Variants in MTMR3 observed in about 807,000 individuals in gnomAD.
MTMR3 encodes the protein myotubularin related protein 3.
Under a neutral mutation model 132.4 loss-of-function variants are expected in MTMR3, and 32 were observed. The observed-to-expected ratio is 0.24, with a 90% CI of 0.18 to 0.32. The LOEUF (loss-of-function observed/expected upper bound fraction) is 0.32. Among genes scored for constraint, MTMR3 ranks in the 10% least tolerant of loss-of-function variants. The pLI is 1.00. For synonymous variants in MTMR3, 556 were observed against 550.3 expected (o/e 1.01, Z -0.14); for missense variants, 1,216 against 1,489.6 (o/e 0.82, Z 3.02).
intron 2 of MTMR3, among the ~76,000 whole-genome samples, chr22:29,963,797 C>T (rs756439994): frequency 2.6e-5 from 4 of 151,410 alleles, no homozygotes; most frequent in African/African-American, 4.9e-5. Flanking sequence ...TAGATCTTCA[C>T]GCCACTGCAC....
chr22:30,020,016 A>G lies in MTMR3; in HGVS notation c.2357A>G (p.Glu786Gly), dbSNP rs200370580. ...TCTCTCCAGGTCCCCCCCAGGGGAG[A>G]GGATTCCCTGGAGGTCCCTGTGGAG... ...LSSLQVPPRGEDSLEVPVEQF... is the reference protein window; with the variant it reads ...LSSLQVPPRGGDSLEVPVEQF... The change falls in exon 17 of 20, where the codon GAG (glutamate) becomes GGG (glycine). Residue 786 changes from glutamate (E) to glycine (G), a missense_variant. Transcript: ENST00000401950. The G allele has an allele frequency of 8.7e-6, 14 of 1,614,132 alleles. No homozygotes were observed. The highest frequency in any genetic ancestry group is 1.3e-5 in the African/African-American group (1 of 75,030).
intron 1 of MTMR3, among the ~76,000 whole-genome samples, chr22:29,897,783 G>A (rs974482766): frequency 2.0e-5 from 3 of 151,976 alleles, no homozygotes; most frequent in Non-Finnish European, 2.9e-5. Context: ...ATATGCATAC[G>A]GTTGGAGTCC....
At position 30,020,864 on chromosome 22, in the gene MTMR3, G is replaced by C. The variant is rs563053719; in HGVS notation, c.3205G>C (p.Gly1069Arg). 6 of 1,594,502 alleles carry C rather than the reference G, an allele frequency of 3.8e-6. No individual in the cohort carries two copies. The African/African-American group carries it at 6.7e-5, about 18-fold the overall frequency. ...QYLTSSLHFN[G>R]DFGDEVTSIP... ...CCTGACCAGCTCCCTACACTTTAAT[G>C]GAGACTTTGGGGATGAGGTGGTGAG... is the stretch of plus-strand genomic sequence containing the variant. Residue 1069 changes from glycine (G) to arginine (R), a missense_variant, in exon 17 of 20, where the codon GGA becomes CGA. Around this residue, in one of 7 missense-constraint regions of MTMR3, gnomAD observed 852 missense variants for 852.0 expected, o/e 1.00. Transcript: ENST00000401950.
intron 2 of MTMR3, among the ~76,000 whole-genome samples, chr22:29,961,124 G>GT (rs958914575): frequency 7.2e-5 from 11 of 151,822 alleles, no homozygotes; most frequent in Admixed American, 3.3e-4. Context: ...TATGTGTTGT[G>GT]TTTTTTTTAA....
chr22:29,998,533 T>G, intron 7 of MTMR3: 1 of 227,156 alleles, frequency 4.4e-6, no homozygotes, highest in Non-Finnish European at 8.6e-6. Context: ...ATCCCAGCTA[T>G]TTGGGTGGCT....
At chr22:29,918,142 A>G (rs73396872) in intron 1 of MTMR3, among the ~76,000 whole-genome samples, 4,137 of 152,252 alleles carry the variant, frequency 0.027, 191 homozygotes, top group African/African-American at 0.096. Flanking sequence ...TTTAGAAAAA[A>G]TTAGTAACTG....
At chr22:30,007,009 A>C in intron 9 of MTMR3, 105 bp from the exon 10 acceptor site, 2 of 1,205,264 alleles carry the variant, frequency 1.7e-6, no homozygotes, top group Non-Finnish European at 2.3e-6. Flanking sequence ...CTGACCCAAC[A>C]CTTACCTAGA....
At chr22:29,966,858 C>A (rs1213816541) in intron 2 of MTMR3, among the ~76,000 whole-genome samples, 1 of 151,442 alleles carries the variant, frequency 6.6e-6, no homozygotes, top group Non-Finnish European at 1.5e-5. Flanking sequence ...TGCATTTAAC[C>A]ATTTTGCTCA....
intron 1 of MTMR3, among the ~76,000 whole-genome samples, chr22:29,894,481 C>T (rs2064855714): frequency 6.7e-6 from 1 of 150,152 alleles, no homozygotes; most frequent in South Asian, 2.1e-4. Flanking sequence ...AGAACTCAGC[C>T]CGAACTCCCA....
intron 2 of MTMR3, among the ~76,000 whole-genome samples, chr22:29,960,038 C>G (rs758916899): frequency 2.0e-4 from 30 of 151,676 alleles, no homozygotes; most frequent in Non-Finnish European, 4.0e-4. Context: ...TAGTGTTGGT[C>G]TTACAGGTGT....
Position 30,015,222 on chromosome 22 carries a change from A to ATT in MTMR3, c.1504-1291_1504-1290dup, listed in dbSNP as rs35996424. The ATT allele has an allele frequency of 6.8e-3, 959 of 141,440 alleles. 10 individuals are homozygous for ATT. The highest frequency in any genetic ancestry group is 0.023 in the African/African-American group (897 of 38,510). 8.8% of individuals were successfully genotyped at this position (141,440 alleles called of 1,614,324 possible). On this transcript the variant is annotated intron_variant, in intron 14 of 19. Coordinates refer to ENST00000401950, the MANE Select transcript of MTMR3 (RefSeq NM_021090.4). Reference sequence around the variant, plus strand: ...CCACTGTGCCTGGCTGATGTTTTTAATTTTTTTTTTTTTTTTAAGAGATGG... The same window carrying ATT: ...CCACTGTGCCTGGCTGATGTTTTTAATTTTTTTTTTTTTTTTTTAAGAGATGG...
chr22:29,888,999 G>T (rs1300503810), intron 1 of MTMR3, among the ~76,000 whole-genome samples: 1 of 151,790 alleles, frequency 6.6e-6, no homozygotes, highest in Non-Finnish European at 1.5e-5. Flanking sequence ...AAAATATAAG[G>T]AAATTATAAG....
intron 2 of MTMR3, among the ~76,000 whole-genome samples, chr22:29,963,192 C>T (rs1023226232): frequency 2.0e-5 from 3 of 152,044 alleles, no homozygotes; most frequent in South Asian, 4.1e-4. Context: ...AGTGATCCAC[C>T]TCCCTGGACT....
chr22:29,936,686 T>C (rs1469005461), intron 1 of MTMR3, among the ~76,000 whole-genome samples: 1 of 152,232 alleles, frequency 6.6e-6, no homozygotes, highest in Non-Finnish European at 1.5e-5. Context: ...AATGCCAGTG[T>C]CTTTAATGAT....
chr22:29,892,993 A>G (rs1432291367), intron 1 of MTMR3, among the ~76,000 whole-genome samples: 1 of 152,230 alleles, frequency 6.6e-6, no homozygotes, highest in African/African-American at 2.4e-5. Context: ...GTTTGACATC[A>G]TATTTCAAGA....
intron 1 of MTMR3, among the ~76,000 whole-genome samples, chr22:29,949,137 ACACACACCCCCCCC>A (rs1309228618): frequency 0.011 from 400 of 35,738 alleles, no homozygotes; most frequent in Non-Finnish European, 0.013. Context: ...ACACACACAC[ACACACACCCCCCCC>A]CCCCCCCCCG....
chr22:29,939,782 G>A (rs1274209507), intron 1 of MTMR3, among the ~76,000 whole-genome samples: 1 of 152,132 alleles, frequency 6.6e-6, no homozygotes, highest in Non-Finnish European at 1.5e-5. Context: ...GAGTAGGACT[G>A]TCAGGCCACT....
At chr22:29,928,627 T>A (rs1391064297) in intron 1 of MTMR3, among the ~76,000 whole-genome samples, 1 of 152,168 alleles carries the variant, frequency 6.6e-6, no homozygotes, top group Non-Finnish European at 1.5e-5. Context: ...TTAGGCTGTT[T>A]CTAGTTTTTT....
At chr22:30,008,125 C>G (rs929874768) in intron 11 of MTMR3, 93 bp downstream of exon 11, 90 of 1,489,126 alleles carry the variant, frequency 6.0e-5, no homozygotes, top group Non-Finnish European at 7.6e-5. Flanking sequence ...AAATAAGTGG[C>G]AAGCCATATT....
Sources: gnomAD v4.1 joint callset for allele counts (sites outside exome capture counted in the v4.1 genomes callset) on GRCh38, gnomAD v4.1.1 for gene constraint, gnomAD v4.1.1 regional missense constraint, MANE v1.5 for transcripts, NCBI Gene and HGNC (gene_info 2026-07-23, HGNC 2026-07-21) for gene names.